USH2A: variants seen among roughly 807,000 people sequenced by gnomAD.
The protein encoded by USH2A is usherin, also known as Usher syndrome 2A (autosomal recessive, mild).
In USH2A, 443 loss-of-function variants were observed where a neutral mutation model predicts 538.9. That is an observed-to-expected ratio of 0.82 (90% confidence interval 0.76 to 0.89). The LOEUF (loss-of-function observed/expected upper bound fraction) is 0.89. Among genes scored for constraint, USH2A ranks in the 40% least tolerant of loss-of-function variants. USH2A has a pLI of 0.00. For synonymous variants in USH2A, 2,413 were observed against 2,273.5 expected (o/e 1.06, Z -1.75); for missense variants, 6,633 against 6,324.8 (o/e 1.05, Z -1.65).
intron 54 of USH2A, 141 bp downstream of exon 54, chr1:215,781,901 C>T (rs868769899): frequency 8.6e-6 from 9 of 1,047,464 alleles, no homozygotes; most frequent in Admixed American, 1.8e-5. Context: ...ACTCAGTTAA[C>T]GTGACACATG....
intron 60 of USH2A, 97 bp from the exon 61 acceptor site, chr1:215,728,481 A>G (rs913227544): frequency 4.8e-6 from 6 of 1,246,008 alleles, no homozygotes; most frequent in Non-Finnish European, 6.8e-6. Flanking sequence ...TTTGTTATCA[A>G]CTTAACTTTT....
intron 30 of USH2A, among the ~76,000 whole-genome samples, chr1:216,065,911 T>A (rs1315198337): frequency 6.6e-6 from 1 of 150,666 alleles, no homozygotes; most frequent in African/African-American, 2.4e-5. Context: ...AATAAAAAAA[T>A]AAAATAAAAT....
At chr1:215,660,612 G>A (rs910345834) in intron 64 of USH2A, among the ~76,000 whole-genome samples, 10 of 152,150 alleles carry the variant, frequency 6.6e-5, no homozygotes, top group Non-Finnish European at 8.8e-5. Flanking sequence ...GCTCTACAAT[G>A]AAATTTGTTA....
intron 55 of USH2A, among the ~76,000 whole-genome samples, chr1:215,779,275 G>A (rs548168415): frequency 1.3e-5 from 2 of 152,096 alleles, no homozygotes; most frequent in South Asian, 2.1e-4. Flanking sequence ...ATCACTACTA[G>A]CAATTATCTA....
At chr1:216,099,533 C>A (rs778846234) in intron 21 of USH2A, among the ~76,000 whole-genome samples, 1 of 152,046 alleles carries the variant, frequency 6.6e-6, no homozygotes, top group Non-Finnish European at 1.5e-5. Context: ...GAGACTAAGG[C>A]AACAAAATTC....
At chr1:216,222,962 G>A (rs188741547) in intron 14 of USH2A, among the ~76,000 whole-genome samples, 1 of 119,004 alleles carries the variant, frequency 8.4e-6, no homozygotes, top group Non-Finnish European at 1.7e-5. Context: ...TGGGCAACAA[G>A]AGCAAAACTC....
At chr1:215,835,335 C>T (rs1263064652) in intron 47 of USH2A, among the ~76,000 whole-genome samples, 14 of 151,572 alleles carry the variant, frequency 9.2e-5, no homozygotes, top group Admixed American at 9.2e-4. Context: ...TCTTTTTTTT[C>T]TAGAAAACTA....
At chr1:215,677,689 T>C (rs1571951619) in intron 62 of USH2A, among the ~76,000 whole-genome samples, 1 of 152,212 alleles carries the variant, frequency 6.6e-6, no homozygotes, top group African/African-American at 2.4e-5. Context: ...TCTAGCCTAG[T>C]TCCCTCTTAT....
chr1:215,999,743 C>A (rs981421099), intron 33 of USH2A, among the ~76,000 whole-genome samples: 2 of 152,048 alleles, frequency 1.3e-5, no homozygotes, highest in African/African-American at 2.4e-5. Context: ...CACAATGAAG[C>A]CAACAGGAGA....
intron 9 of USH2A, among the ~76,000 whole-genome samples, chr1:216,316,399 G>T (rs1324084762): frequency 6.6e-6 from 1 of 152,162 alleles, no homozygotes; most frequent in Non-Finnish European, 1.5e-5. Context: ...AGCTTCTAGT[G>T]TCTCAATCTA....
At chr1:216,302,938 G>T (rs1386649857) in intron 9 of USH2A, among the ~76,000 whole-genome samples, 1 of 151,894 alleles carries the variant, frequency 6.6e-6, no homozygotes, top group Admixed American at 6.6e-5. Flanking sequence ...CCTTACTGTA[G>T]GCCTTGTGAA....
chr1:215,885,850 C>T (rs770918555), intron 41 of USH2A, among the ~76,000 whole-genome samples: 4 of 152,206 alleles, frequency 2.6e-5, no homozygotes, highest in Non-Finnish European at 5.9e-5. Flanking sequence ...GAAATACCAA[C>T]TCTGCTCCTT....
At chr1:216,156,741 A>C (rs990589741) in intron 21 of USH2A, among the ~76,000 whole-genome samples, 1 of 152,204 alleles carries the variant, frequency 6.6e-6, no homozygotes, top group African/African-American at 2.4e-5. Context: ...GAGTAAACAG[A>C]CAGCCTACAG....
In USH2A at chr1:216,231,950, T is replaced by C. The variant is rs1201261740; in HGVS notation, c.2993+3A>G. 4 of 1,613,866 alleles carry C rather than the reference T, an allele frequency of 2.5e-6. No individual in the cohort carries two copies. Among genetic ancestry groups the C allele is most frequent in the Non-Finnish European group, 3.4e-6 (4 of 1,179,862 alleles). On this transcript the variant is annotated splice_donor_region_variant and intron_variant, in intron 14 of 71. Transcript: ENST00000307340. ...TAAATTATTAAAGCTTATAAAGATG[T>C]ACCTTCCAGTCTGAGGATCAAATCC...
chr1:216,225,199 TG>T (rs2035538086), intron 14 of USH2A, among the ~76,000 whole-genome samples: 1 of 152,128 alleles, frequency 6.6e-6, no homozygotes, highest in African/African-American at 2.4e-5. Flanking sequence ...TAGCCAATGT[TG>T]GTGTATATAC....
chr1:215,783,363 A>T (rs74846633), intron 52 of USH2A, among the ~76,000 whole-genome samples: 14,881 of 152,180 alleles, frequency 0.098, 772 homozygotes, highest in South Asian at 0.2. Context: ...TACTTAAAAA[A>T]TTTTAAATCA....
chr1:216,417,873 AT>A (rs1319603782), intron 3 of USH2A, among the ~76,000 whole-genome samples: 3 of 152,078 alleles, frequency 2.0e-5, no homozygotes, highest in African/African-American at 7.2e-5. Flanking sequence ...CTTTAACTGT[AT>A]TGGGCCATTC....
intron 68 of USH2A, 36 bp from the exon 69 acceptor site, chr1:215,639,274 A>C (rs1656602617): frequency 1.3e-6 from 2 of 1,596,090 alleles, no homozygotes; most frequent in African/African-American, 2.7e-5. Flanking sequence ...TGACTTGTTC[A>C]TTCAACACCT....
chr1:216,331,614 G>A (rs1423425627), intron 4 of USH2A, among the ~76,000 whole-genome samples: 1 of 152,098 alleles, frequency 6.6e-6, no homozygotes, highest in African/African-American at 2.4e-5. Flanking sequence ...TTCCATGACT[G>A]TACATAAAAG....
Sources: gnomAD v4.1 joint callset for allele counts (sites outside exome capture counted in the v4.1 genomes callset) on GRCh38, gnomAD v4.1.1 for gene constraint, MANE v1.5 for transcripts, NCBI Gene and HGNC (gene_info 2026-07-23, HGNC 2026-07-21) for gene names.